The following IAH1 variants were observed in gnomAD, a reference collection of about 807,000 sequenced individuals.
IAH1 encodes isoamyl acetate hydrolyzing esterase 1 (putative), also known as isoamyl acetate-hydrolyzing esterase 1 homolog.
IAH1 carries 24 observed loss-of-function variants against 26.7 expected under a neutral mutation model. The observed-to-expected ratio is 0.90, with a 90% confidence interval of 0.65 to 1.26. The LOEUF (loss-of-function observed/expected upper bound fraction) is 1.26, where lower values mean the gene tolerates loss of function less well. Among genes scored for constraint, IAH1 ranks in the 50% most tolerant of loss-of-function variants. IAH1 has a pLI of 0.00. For synonymous variants in IAH1, 140 were observed against 118.5 expected (o/e 1.18, Z -1.18); for missense variants, 300 against 299.9 (o/e 1.00, Z 0.00).
In IAH1 at chr2:9,478,293, T is replaced by C; in HGVS notation, c.206T>C (p.Leu69Ser). ...TGGGCCAAAATTATCCTTCCAAGAT[T>C]AATCAGGAAAGGAAACAGTTTGGAC... ...TRWAKIILPR[L>S]IRKGNSLDIP... Residue 69 changes from leucine (L) to serine (S), a missense_variant, in exon 3 of 6, where the codon TTA becomes TCA. Leu to Ser is a moderately radical substitution (Grantham distance 145, BLOSUM62 -2). Coordinates refer to ENST00000497473, the MANE Select transcript of IAH1 (RefSeq NM_001039613.3). The C allele has an allele frequency of 6.2e-7, 1 of 1,613,500 alleles. No homozygotes were observed. The highest frequency in any genetic ancestry group is 8.5e-7 in the Non-Finnish European group (1 of 1,179,594).
downstream of IAH1, chr2:9,492,897 C>A (rs772783109): frequency 3.7e-6 from 6 of 1,607,454 alleles, no homozygotes. Context: ...TGATGACTTA[C>A]CACACAATGG....
Position 9,488,772 on chromosome 2 carries a change from T to C in IAH1, c.*443T>C, listed in dbSNP as rs907728047. The C allele has an allele frequency of 2.0e-5, 3 of 152,490 alleles. No homozygotes were observed. The highest frequency in any genetic ancestry group is 2.9e-5 in the Non-Finnish European group (2 of 68,270). The allele number at this position is 152,490 out of a possible 1,614,324, so 9.4% of individuals were successfully genotyped here. A position where few individuals can be genotyped will look rare whatever the true frequency, so the allele number is the denominator to read the frequency against. On this transcript the variant is annotated 3_prime_UTR_variant, in exon 6 of 6. Coordinates refer to ENST00000497473, the MANE Select transcript of IAH1 (RefSeq NM_001039613.3). ...TAAGGTACAAGTTCAAGTATTAGTA[T>C]AACAAGTATCTGAGTAACAAATGTC...
chr2:9,505,955 C>G, the IAH1 span, among the ~76,000 whole-genome samples: 1 of 152,050 alleles, frequency 6.6e-6, no homozygotes, highest in Non-Finnish European at 1.5e-5. Flanking sequence ...TTTCATCAAC[C>G]AGCAAGACCA....
chr2:9,502,875 G>GTC, the IAH1 span, among the ~76,000 whole-genome samples: 1 of 75,142 alleles, frequency 1.3e-5, no homozygotes, highest in African/African-American at 6.2e-5. Context: ...GAGAAATTCT[G>GTC]TCTCAAAAAA....
At position 9,489,699 on chromosome 2, in the gene IAH1, T is replaced by TTATC. The variant is rs1313003116; in HGVS notation, c.*1372_*1375dup. On this transcript the variant is annotated 3_prime_UTR_variant, in exon 6 of 6. Coordinates refer to ENST00000497473, the MANE Select transcript of IAH1 (RefSeq NM_001039613.3). The stretch of plus-strand genomic sequence containing the variant: ...AATTTAGAGACAATGTATACTAGAT[T>TTATC]TATCTCCTTTGTTTTTAGTTGAAGG... 2 of 146,870 alleles carry TTATC rather than the reference T, an allele frequency of 1.4e-5. No individual in the cohort carries two copies. The highest frequency in any genetic ancestry group is 5.1e-5 in the African/African-American group (2 of 38,844). 9.1% of individuals were successfully genotyped at this position (146,870 alleles called of 1,614,324 possible). A position where few individuals can be genotyped will look rare whatever the true frequency, so the allele number is the denominator to read the frequency against.
chr2:9,502,137 C>T, the IAH1 span: 6 of 1,547,452 alleles, frequency 3.9e-6, no homozygotes, highest in East Asian at 1.3e-4. Context: ...ACACACTTGA[C>T]CCACAGCATT....
In IAH1 at chr2:9,481,277, CTT is replaced by C. The variant is rs781286038; in HGVS notation, c.284-8_284-7del. The C allele has an allele frequency of 1.9e-6, 3 of 1,613,940 alleles. No individual in the cohort carries two copies. The highest frequency in any genetic ancestry group is 2.5e-6 in the Non-Finnish European group (3 of 1,179,866). On this transcript the variant is annotated splice_polypyrimidine_tract_variant and splice_region_variant and intron_variant, in intron 3 of 5. Transcript: ENST00000497473. The stretch of plus-strand genomic sequence containing the variant: ...GCATCTGGTGAGGACTCATGTTTCT[CTT>C]GAGCAGATGAGAATCCCAAGCAGCA...
chr2:9,479,876 T>G (rs577287714), intron 3 of IAH1, among the ~76,000 whole-genome samples: 6 of 137,634 alleles, frequency 4.4e-5, no homozygotes, highest in Admixed American at 1.6e-4. Context: ...TGATACGGTC[T>G]CGGCTCACTG....
At chr2:9,500,199 G>C (rs1270331842), downstream of IAH1, among the ~76,000 whole-genome samples, 1 of 152,164 alleles carries the variant, frequency 6.6e-6, no homozygotes, top group East Asian at 1.9e-4. Context: ...CCATGCAATG[G>C]AATTTACCCA....
chr2:9,474,973 G>A lies in IAH1; in HGVS notation c.81+326G>A, dbSNP rs910736220. The A allele has an allele frequency of 3.9e-5, 43 of 1,088,760 alleles. No individual in the cohort carries two copies. The highest frequency in any genetic ancestry group is 4.7e-5 in the Admixed American group (1 of 21,148). The allele number at this position is 1,088,760 out of a possible 1,614,324, so 67.4% of individuals were successfully genotyped here. A position where few individuals can be genotyped will look rare whatever the true frequency, so the allele number is the denominator to read the frequency against. ...TCCCCTCAGCGCCCTCCTGGGCAGC[G>A]GCCTTTCCCCTCCGGGTCCGGGTTA... On this transcript the variant is annotated intron_variant, in intron 1 of 5. Coordinates refer to ENST00000497473, the MANE Select transcript of IAH1 (RefSeq NM_001039613.3). This position sits in a 1 kb window ranked among gnomAD's most constrained non-coding sequence, Gnocchi z 4.3.
At chr2:9,492,755 C>T, downstream of IAH1, 1 of 603,438 alleles carries the variant, frequency 1.7e-6, no homozygotes, top group Admixed American at 3.6e-5. Context: ...ACATGTTCCC[C>T]TAGGAATAAC....
At chr2:9,485,040 A>G (rs1661395646) in intron 5 of IAH1, 1 of 155,736 alleles carries the variant, frequency 6.4e-6, no homozygotes, top group Non-Finnish European at 1.4e-5. Context: ...TTTCTGACGC[A>G]GTCACACATA....
the IAH1 span, chr2:9,502,297 G>A: frequency 1.3e-6 from 2 of 1,578,742 alleles, no homozygotes; most frequent in Admixed American, 1.7e-5. Context: ...ACAGCAGACA[G>A]GAACAGAGCA....
At chr2:9,500,154 T>C (rs950511453), downstream of IAH1, among the ~76,000 whole-genome samples, 3 of 152,298 alleles carry the variant, frequency 2.0e-5, no homozygotes, top group Admixed American at 2.0e-4. Flanking sequence ...CAAATGTCTA[T>C]CAACCAATGA....
downstream of IAH1, among the ~76,000 whole-genome samples, chr2:9,492,610 A>G (rs1183659062): frequency 6.6e-6 from 1 of 152,240 alleles, no homozygotes; most frequent in Non-Finnish European, 1.5e-5. Context: ...TTACTCATCA[A>G]AGGACCTGGA....
chr2:9,490,002 CA>C, downstream of IAH1: 1 of 573,792 alleles, frequency 1.7e-6, no homozygotes, highest in Middle Eastern at 4.7e-4. Flanking sequence ...CTTACCTTTT[CA>C]AAAGGAGAAG....
rs1443807498 is a variant in IAH1 at position 9,481,369 on chromosome 2, A to T, written c.367A>T (p.Ile123Phe). The part of the protein sequence containing the change: ...SMVQYLKSVD[I>F]PENRVILITP... ...GGTGCAGTACCTGAAGTCCGTGGAC[A>T]TCCCTGAGAATCGAGTCATTCTCAT... The change falls in exon 4 of 6, where the codon ATC becomes TTC. Residue 123 changes from isoleucine to phenylalanine, a missense_variant. By Grantham distance (21) the Ile-to-Phe change is conservative. Transcript: ENST00000497473. The T allele has an allele frequency of 1.9e-6, 3 of 1,614,222 alleles. No homozygotes were observed. Among genetic ancestry groups the T allele is most frequent in the Admixed American group, 1.7e-5 (1 of 60,032 alleles).
chr2:9,481,986 G>C (rs1661200806), intron 4 of IAH1, among the ~76,000 whole-genome samples: 1 of 151,900 alleles, frequency 6.6e-6, no homozygotes, highest in Non-Finnish European at 1.5e-5. Context: ...TGTTGTTCAA[G>C]GGTCAGCTGT....
chr2:9,479,795 CTTTTTTTTTTTTTTTTTT>C (rs5829216), intron 3 of IAH1, among the ~76,000 whole-genome samples: 1,478 of 69,946 alleles, frequency 0.021, 32 homozygotes, highest in Middle Eastern at 0.078. Context: ...CTGTGTATTG[CTTTTTTTTTTTTTTTTTT>C]TTTTTTTTTT....
Sources: allele counts gnomAD v4.1 joint callset (sites outside exome capture counted in the v4.1 genomes callset), GRCh38; gene constraint gnomAD v4.1.1; non-coding constraint Gnocchi (gnomAD v3.1); transcripts MANE v1.5; gene names NCBI Gene and HGNC (gene_info 2026-07-23, HGNC 2026-07-21).